The following TRAPPC9 variants were observed in gnomAD, a reference collection of about 807,000 sequenced individuals.
TRAPPC9 encodes IKK2 binding protein.
TRAPPC9 carries 83 observed loss-of-function variants against 124.0 expected under a neutral mutation model. That is an observed-to-expected ratio of 0.67 (90% CI 0.56 to 0.80). TRAPPC9 has a LOEUF of 0.80. Ranked by LOEUF, TRAPPC9 falls within the 30% of genes least tolerant of loss-of-function variation. The pLI is 0.00. For synonymous variants in TRAPPC9, 638 were observed against 617.5 expected (o/e 1.03, Z -0.49); for missense variants, 1,302 against 1,508.3 (o/e 0.86, Z 2.27).
At chr8:140,327,184 C>T (rs1375455330) in intron 9 of TRAPPC9, among the ~76,000 whole-genome samples, 1 of 151,754 alleles carries the variant, frequency 6.6e-6, no homozygotes, top group African/African-American at 2.4e-5. Context: ...ACCTGGGAGG[C>T]GGAGGTTGCA....
At chr8:139,861,218 T>C (rs1394781626) in intron 21 of TRAPPC9, among the ~76,000 whole-genome samples, 1 of 152,230 alleles carries the variant, frequency 6.6e-6, no homozygotes, top group African/African-American at 2.4e-5. Flanking sequence ...AGAGCACACC[T>C]GGACAGGGGA....
intron 21 of TRAPPC9, among the ~76,000 whole-genome samples, chr8:139,757,855 G>A: frequency 6.6e-6 from 1 of 152,158 alleles, no homozygotes. Context: ...CTGTCCAAGG[G>A]GGAATCCCTG....
chr8:139,947,894 G>GTGTGTATATATATA (rs1554678277), intron 19 of TRAPPC9, among the ~76,000 whole-genome samples: 14 of 65,854 alleles, frequency 2.1e-4, no homozygotes, highest in African/African-American at 2.9e-4. Context: ...AAATATGTGT[G>GTGTGTATATATATA]TATATATATA....
chr8:139,938,971 G>A (rs1587284122), intron 19 of TRAPPC9, among the ~76,000 whole-genome samples: 1 of 152,220 alleles, frequency 6.6e-6, no homozygotes, highest in Admixed American at 6.5e-5. Context: ...GGCCAAAGGA[G>A]AGAAATAAGA....
intron 17 of TRAPPC9, among the ~76,000 whole-genome samples, chr8:140,083,096 A>G (rs945931451): frequency 2.6e-5 from 4 of 152,102 alleles, no homozygotes; most frequent in Admixed American, 6.5e-5. Flanking sequence ...GGGAGGCTGA[A>G]GCAGGAGAAT....
chr8:139,794,564 A>G (rs1325547379), intron 21 of TRAPPC9, among the ~76,000 whole-genome samples: 1 of 152,180 alleles, frequency 6.6e-6, no homozygotes, highest in African/African-American at 2.4e-5. Context: ...TCAGGGACAC[A>G]CTTAGGGAAA....
chr8:140,383,153 C>T (rs541459862), intron 7 of TRAPPC9, among the ~76,000 whole-genome samples: 1 of 152,316 alleles, frequency 6.6e-6, no homozygotes, highest in African/African-American at 2.4e-5. Flanking sequence ...CACATCAAAA[C>T]CCCATCTGTA....
chr8:140,120,746 CCATT>C (rs1022522827), intron 17 of TRAPPC9, among the ~76,000 whole-genome samples: 12 of 151,054 alleles, frequency 7.9e-5, no homozygotes, highest in South Asian at 2.1e-4. Context: ...ATCCATCCAT[CCATT>C]CATTCATCCA....
chr8:139,738,754 C>A (rs1818364154), intron 21 of TRAPPC9, among the ~76,000 whole-genome samples: 1 of 152,186 alleles, frequency 6.6e-6, no homozygotes, highest in African/African-American at 2.4e-5. Flanking sequence ...CACAGAGCCC[C>A]CAAGGGGCCC....
intron 17 of TRAPPC9, among the ~76,000 whole-genome samples, chr8:140,083,441 T>C (rs1034246964): frequency 1.3e-5 from 2 of 152,162 alleles, no homozygotes; most frequent in Middle Eastern, 6.8e-3. Flanking sequence ...GTATTAGCGC[T>C]GAGTGAATAA....
intron 17 of TRAPPC9, among the ~76,000 whole-genome samples, chr8:140,061,516 C>A (rs1000920911): frequency 2.0e-5 from 3 of 152,156 alleles, no homozygotes; most frequent in African/African-American, 7.2e-5. Context: ...GAGCCATGTC[C>A]GCTCTGACAG....
At chr8:140,132,634 G>A (rs1012922980) in intron 17 of TRAPPC9, among the ~76,000 whole-genome samples, 5 of 152,162 alleles carry the variant, frequency 3.3e-5, no homozygotes, top group Non-Finnish European at 5.9e-5. Flanking sequence ...CTCACCAAGT[G>A]AACCGAAAAG....
intron 15 of TRAPPC9, among the ~76,000 whole-genome samples, chr8:140,274,229 A>C: frequency 6.6e-6 from 1 of 152,032 alleles, no homozygotes; most frequent in East Asian, 1.9e-4. Flanking sequence ...GAAAAAAAAA[A>C]CCCACAGAAA....
chr8:140,282,037 G>C (rs1342044019), intron 14 of TRAPPC9, among the ~76,000 whole-genome samples: 1 of 152,202 alleles, frequency 6.6e-6, no homozygotes, highest in Non-Finnish European at 1.5e-5. Context: ...TGAGGACAGA[G>C]ACCAGGACTG....
chr8:140,169,980 C>T (rs148283837), intron 17 of TRAPPC9, among the ~76,000 whole-genome samples: 553 of 152,304 alleles, frequency 3.6e-3, no homozygotes, highest in Non-Finnish European at 5.8e-3. Context: ...TCAAGAATTC[C>T]ACCTACCTTG....
intron 10 of TRAPPC9, among the ~76,000 whole-genome samples, chr8:140,307,088 T>C (rs1357018002): frequency 6.6e-6 from 1 of 152,276 alleles, no homozygotes; most frequent in Non-Finnish European, 1.5e-5. Flanking sequence ...CATAACTCCA[T>C]GAGGGGCAGT....
intron 17 of TRAPPC9, among the ~76,000 whole-genome samples, chr8:140,119,205 T>C (rs1045471669): frequency 6.6e-6 from 1 of 152,248 alleles, no homozygotes; most frequent in Admixed American, 6.5e-5. Flanking sequence ...CGTGGCGTCC[T>C]GCAGCCAGCA....
At position 139,759,039 on chromosome 8, in the gene TRAPPC9, C is replaced by T. The variant is rs12546212; in HGVS notation, c.3056-26837G>A. ...TCTCTTTCTGGTCCGCCTCAGCATG[C>T]GCAGTGGTAGAGGTGTTGATGGCAA... On this transcript the variant is annotated intron_variant, in intron 21 of 22. Transcript: ENST00000438773. Among the ~76,000 whole-genome samples, 404 of 152,304 alleles carry T rather than the reference C, an allele frequency of 2.7e-3. 2 individuals are homozygous for T. Among genetic ancestry groups the T allele is most frequent in the Admixed American group, 4.9e-3 (75 of 15,298 alleles).
intron 4 of TRAPPC9, among the ~76,000 whole-genome samples, chr8:140,433,478 T>G (rs1250461908): frequency 6.6e-6 from 1 of 151,952 alleles, no homozygotes; most frequent in Admixed American, 6.6e-5. Context: ...TAATCCCAGC[T>G]ACTCGGGAGG....
Sources: allele counts gnomAD v4.1 joint callset (sites outside exome capture counted in the v4.1 genomes callset), GRCh38; gene constraint gnomAD v4.1.1; transcripts MANE v1.5; gene names NCBI Gene and HGNC (gene_info 2026-07-23, HGNC 2026-07-21).